SLC25A21: variants seen among roughly 807,000 people sequenced by gnomAD.
SLC25A21 encodes solute carrier family 25 member 21.
A neutral mutation model predicts 43.8 loss-of-function variants in SLC25A21; 47 were observed. The observed-to-expected ratio is 1.07, with a 90% confidence interval of 0.85 to 1.37. The LOEUF (loss-of-function observed/expected upper bound fraction) is 1.37, where lower values mean the gene tolerates loss of function less well. Among genes scored for constraint, SLC25A21 ranks in the 40% most tolerant of loss-of-function variants. The pLI is 0.00. For missense variants in SLC25A21, 352 were observed against 350.2 expected (o/e 1.00, Z -0.04); for synonymous variants, 131 against 121.3 (o/e 1.08, Z -0.52).
At chr14:36,920,179 T>C (rs1460614695) in intron 1 of SLC25A21, among the ~76,000 whole-genome samples, 1 of 152,084 alleles carries the variant, frequency 6.6e-6, no homozygotes, top group Non-Finnish European at 1.5e-5. Context: ...CAAAATGTTC[T>C]CTTAATCTCT....
intron 7 of SLC25A21, among the ~76,000 whole-genome samples, chr14:36,694,171 T>C (rs1331912583): frequency 6.6e-6 from 1 of 152,164 alleles, no homozygotes; most frequent in Non-Finnish European, 1.5e-5. Context: ...TGTTTGGTTT[T>C]CTGTCCTTGT....
intron 1 of SLC25A21, among the ~76,000 whole-genome samples, chr14:37,123,222 T>G (rs1201168311): frequency 2.0e-5 from 3 of 152,162 alleles, no homozygotes; most frequent in African/African-American, 7.2e-5. Flanking sequence ...GTTGGGGAGA[T>G]GGAGGTAGAA....
chr14:36,929,601 C>T, intron 1 of SLC25A21, among the ~76,000 whole-genome samples: 1 of 151,792 alleles, frequency 6.6e-6, no homozygotes, highest in African/African-American at 2.4e-5. Context: ...GCAGGCTTGG[C>T]GATAATGTTA....
At chr14:36,908,576 T>C (rs993803402) in intron 1 of SLC25A21, among the ~76,000 whole-genome samples, 2 of 152,196 alleles carry the variant, frequency 1.3e-5, no homozygotes, top group Non-Finnish European at 1.5e-5. Context: ...CTATCCAATA[T>C]GGTAGCTACT....
At chr14:37,062,415 T>C (rs1244540635) in intron 1 of SLC25A21, among the ~76,000 whole-genome samples, 1 of 152,152 alleles carries the variant, frequency 6.6e-6, no homozygotes, top group Non-Finnish European at 1.5e-5. Flanking sequence ...CTCAAATCTC[T>C]AAATGCAAAC....
At chr14:37,143,511 T>C (rs1702101953) in intron 1 of SLC25A21, among the ~76,000 whole-genome samples, 1 of 152,084 alleles carries the variant, frequency 6.6e-6, no homozygotes, top group Admixed American at 6.6e-5. Flanking sequence ...AGTAACATAA[T>C]AATAATGTCA....
chr14:37,125,398 A>C (rs1963280318), intron 1 of SLC25A21, among the ~76,000 whole-genome samples: 1 of 152,206 alleles, frequency 6.6e-6, no homozygotes, highest in South Asian at 2.1e-4. Context: ...TAAATGTATG[A>C]GTTTCTGAAA....
intron 1 of SLC25A21, among the ~76,000 whole-genome samples, chr14:37,004,581 G>A (rs887607678): frequency 6.6e-6 from 1 of 152,182 alleles, no homozygotes; most frequent in African/African-American, 2.4e-5. Context: ...TAATGATTAG[G>A]TAAACACCTC....
chr14:36,679,769 G>A lies in SLC25A21; in HGVS notation c.*889C>T. The A allele has an allele frequency of 1.0e-6, 1 of 985,152 alleles. No individual in the cohort carries two copies. Among genetic ancestry groups the A allele is most frequent in the African/African-American group, 1.7e-5 (1 of 57,354 alleles). The allele number at this position is 985,152 out of a possible 1,614,324, so 61.0% of individuals were successfully genotyped here. A position where few individuals can be genotyped will look rare whatever the true frequency, so the allele number is the denominator to read the frequency against. On this transcript the variant is annotated 3_prime_UTR_variant, in exon 10 of 10. Transcript: ENST00000331299. ...TAGGCATGCTGAATAAAGGTATTTG[G>A]ATGCAAATACTGATGGCTGACAAAT...
intron 1 of SLC25A21, among the ~76,000 whole-genome samples, chr14:36,895,795 G>C (rs981055365): frequency 3.3e-5 from 5 of 152,136 alleles, no homozygotes; most frequent in Non-Finnish European, 5.9e-5. Flanking sequence ...ATTTCGTTAT[G>C]TACCCAGTAG....
At chr14:36,934,469 T>TA (rs5807923) in intron 1 of SLC25A21, among the ~76,000 whole-genome samples, 5,446 of 140,454 alleles carry the variant, frequency 0.039, 282 homozygotes, top group African/African-American at 0.12. Context: ...ATCTTGGGAG[T>TA]AAAAAAAAAA....
chr14:37,034,674 C>T (rs1008624147), intron 1 of SLC25A21, among the ~76,000 whole-genome samples: 1 of 152,196 alleles, frequency 6.6e-6, no homozygotes, highest in Non-Finnish European at 1.5e-5. Flanking sequence ...ACTCACTCTT[C>T]GCCTCCACAG....
At chr14:37,172,098 T>C in intron 1 of SLC25A21, 183 bp downstream of exon 1, 1 of 624,352 alleles carries the variant, frequency 1.6e-6, no homozygotes, top group East Asian at 2.9e-5. Context: ...CACCCACTAC[T>C]CGCAATCAAC....
intron 1 of SLC25A21, among the ~76,000 whole-genome samples, chr14:37,155,224 C>A (rs1414190216): frequency 6.6e-6 from 1 of 152,100 alleles, no homozygotes; most frequent in Non-Finnish European, 1.5e-5. Context: ...TGTTTGCCAC[C>A]ATGCCTGGCT....
chr14:37,163,079 G>A (rs1359562893), intron 1 of SLC25A21, among the ~76,000 whole-genome samples: 1 of 151,194 alleles, frequency 6.6e-6, no homozygotes, highest in Non-Finnish European at 1.5e-5. Context: ...CTCATAGGTG[G>A]GAATTGAACA....
At chr14:37,012,122 T>C (rs779267603) in intron 1 of SLC25A21, among the ~76,000 whole-genome samples, 4 of 152,146 alleles carry the variant, frequency 2.6e-5, no homozygotes, top group Non-Finnish European at 4.4e-5. Context: ...TTCAGCAAAA[T>C]GACAAATTAA....
chr14:36,975,020 T>C (rs188191327), intron 1 of SLC25A21, among the ~76,000 whole-genome samples: 27 of 152,294 alleles, frequency 1.8e-4, no homozygotes, highest in African/African-American at 6.3e-4. Flanking sequence ...AAGCACTCAG[T>C]AGGCACACAT....
chr14:36,856,796 T>C (rs767378419), intron 2 of SLC25A21, among the ~76,000 whole-genome samples: 4 of 152,086 alleles, frequency 2.6e-5, no homozygotes, highest in Non-Finnish European at 5.9e-5. Context: ...AGGAGACAGA[T>C]CTATGGAGCC....
chr14:36,846,997 T>G (rs1889565253), intron 2 of SLC25A21, among the ~76,000 whole-genome samples: 1 of 152,236 alleles, frequency 6.6e-6, no homozygotes, highest in African/African-American at 2.4e-5. Context: ...AAAAGAAGCG[T>G]GGCCTACTTG....
Sources: allele counts gnomAD v4.1 joint callset (sites outside exome capture counted in the v4.1 genomes callset), GRCh38; gene constraint gnomAD v4.1.1; transcripts MANE v1.5; gene names NCBI Gene and HGNC (gene_info 2026-07-23, HGNC 2026-07-21).